The following RARA variants were observed in gnomAD, a reference collection of about 807,000 sequenced individuals.
RARA encodes the protein PML-DDX5-RARA fusion.
In RARA, 5 loss-of-function variants were observed where a neutral mutation model predicts 42.8. That is an observed-to-expected ratio of 0.12 (90% CI 0.06 to 0.25). The LOEUF (loss-of-function observed/expected upper bound fraction) is 0.25. Among genes scored for constraint, RARA ranks in the 10% least tolerant of loss-of-function variants. The pLI, the probability that RARA is intolerant of heterozygous loss-of-function variation, is 1.00. For missense variants in RARA, 402 were observed against 628.7 expected, an observed-to-expected ratio of 0.64 and a Z score of 3.86; for synonymous variants, 256 against 259.5, an observed-to-expected ratio of 0.99 and a Z score of 0.13.
At position 40,338,491 on chromosome 17, in the gene RARA, C is replaced by T. The variant is rs149668764; in HGVS notation, c.178+7095C>T. Among the ~76,000 whole-genome samples, 4 of 152,286 alleles carry T rather than the reference C, an allele frequency of 2.6e-5. No homozygotes were observed. The East Asian group carries it at 7.7e-4, about 29-fold the overall frequency. ...CAGGAGTCTTAAAGGACAGTTCTTC[C>T]TGTGTGGCCTTGGGCAGGTCACCCA... On this transcript the variant is annotated intron_variant, in intron 2 of 8. Coordinates refer to ENST00000254066, the MANE Select transcript of RARA (RefSeq NM_000964.4).
At chr17:40,316,741 C>A (rs1447401931) in intron 1 of RARA, among the ~76,000 whole-genome samples, 2 of 152,038 alleles carry the variant, frequency 1.3e-5, no homozygotes, top group African/African-American at 2.4e-5. Context: ...GCGGTGGCGT[C>A]CACATCTGGG....
chr17:40,341,312 G>A (rs951915662), intron 2 of RARA: 181 of 1,385,772 alleles, frequency 1.3e-4, no homozygotes, highest in Non-Finnish European at 1.6e-4. Flanking sequence ...AGAGCGTGGG[G>A]AGGAGGGCCC....
Position 40,352,260 on chromosome 17 carries a change from T to G in RARA, c.631-71T>G. ...GTGAAGGCTGGGTAGAGGGCAGGCCTGTGGGGGCTGGAGCCAGGCTGAGAA... is the reference window on the plus strand; with the variant it reads ...GTGAAGGCTGGGTAGAGGGCAGGCCGGTGGGGGCTGGAGCCAGGCTGAGAA... On this transcript the variant is annotated intron_variant, in intron 5 of 8. Transcript: ENST00000254066. The surrounding 1 kb of genome is among the most constrained non-coding windows in gnomAD (Gnocchi z 4.9). The G allele has an allele frequency of 1.3e-6, 2 of 1,535,264 alleles. No homozygotes were observed. The highest frequency in any genetic ancestry group is 1.9e-5 in the Admixed American group (1 of 51,580).
Position 40,355,810 on chromosome 17 carries a change from G to C in RARA, c.1172-199G>C, listed in dbSNP as rs2034604020. 6.6e-6 allele frequency among the ~76,000 whole-genome samples: 1 copy of C among 152,250 alleles called. No homozygotes were observed. The highest frequency in any genetic ancestry group is 6.5e-5 in the Admixed American group (1 of 15,294). Reference sequence around the variant, plus strand: ...CCGGCAGTCTGGCCCTGGAGCCGGAGTTCGGGACCACTTTGCCCCATTGCC... The same window carrying C: ...CCGGCAGTCTGGCCCTGGAGCCGGACTTCGGGACCACTTTGCCCCATTGCC... On this transcript the variant is annotated intron_variant, in intron 8 of 8. Transcript: ENST00000254066. This position sits in a 1 kb window ranked among gnomAD's most constrained non-coding sequence, Gnocchi z 4.1.
intron 1 of RARA, among the ~76,000 whole-genome samples, chr17:40,330,240 C>T (rs1331803100): frequency 1.3e-5 from 2 of 152,116 alleles, no homozygotes; most frequent in African/African-American, 4.8e-5. Flanking sequence ...ACATCGCCTA[C>T]CCCTGGACCA....
intron 2 of RARA, chr17:40,342,824 C>T (rs752026996): frequency 6.2e-7 from 1 of 1,613,126 alleles, no homozygotes; most frequent in South Asian, 1.1e-5. Flanking sequence ...CGGGTCCGTA[C>T]TCCACCCCGC....
Position 40,351,041 on chromosome 17 carries a change from C to T in RARA, c.470-869C>T, listed in dbSNP as rs532405739. The stretch of plus-strand genomic sequence containing the variant: ...GGCTGCTCTGTGCCCCGGAGCTGAG[C>T]AGCTGCCATTTCAATAGAATTAAAG... On this transcript the variant is annotated intron_variant, in intron 4 of 8. Coordinates refer to ENST00000254066, the MANE Select transcript of RARA (RefSeq NM_000964.4). This position sits in a 1 kb window ranked among gnomAD's most constrained non-coding sequence, Gnocchi z 4.1. 6.6e-6 allele frequency among the ~76,000 whole-genome samples: 1 copy of T among 152,154 alleles called. No homozygotes were observed. Among genetic ancestry groups the T allele is most frequent in the South Asian group, 2.1e-4 (1 of 4,814 alleles).
chr17:40,341,424 C>T, intron 2 of RARA: 2 of 1,524,320 alleles, frequency 1.3e-6, no homozygotes, highest in Non-Finnish European at 1.8e-6. Context: ...GCCGGTGTCT[C>T]ATTCCGACAC....
At chr17:40,341,763 ACCT>A in intron 2 of RARA, 3 of 1,281,020 alleles carry the variant, frequency 2.3e-6, no homozygotes, top group Non-Finnish European at 3.0e-6. Flanking sequence ...CCGCCCCACC[ACCT>A]CCTCCACCAC....
rs1467285408 is a variant in RARA at position 40,356,617 on chromosome 17, C to T, written c.*391C>T. The T allele has an allele frequency of 7.5e-6, 4 of 531,476 alleles. No homozygotes were observed. Among genetic ancestry groups the T allele is most frequent in the South Asian group, 6.2e-5 (4 of 64,490 alleles). The allele number at this position is 531,476 out of a possible 1,614,324, so 32.9% of individuals were successfully genotyped here. A position where few individuals can be genotyped will look rare whatever the true frequency, so the allele number is the denominator to read the frequency against. Reference sequence around the variant, plus strand: ...GAACTCACAAGCCATTGCTCCCCAGCTGGGGAACCTCAACCTCCCCCCTGC... The same window carrying T: ...GAACTCACAAGCCATTGCTCCCCAGTTGGGGAACCTCAACCTCCCCCCTGC... On this transcript the variant is annotated 3_prime_UTR_variant, in exon 9 of 9. Transcript: ENST00000254066.
At chr17:40,317,952 G>T (rs2033249793) in intron 1 of RARA, among the ~76,000 whole-genome samples, 1 of 152,010 alleles carries the variant, frequency 6.6e-6, no homozygotes, top group Non-Finnish European at 1.5e-5. Context: ...CACACGCTGC[G>T]GTCTTCTCCA....
At chr17:40,324,317 G>T (rs2033477538) in intron 1 of RARA, among the ~76,000 whole-genome samples, 2 of 151,900 alleles carry the variant, frequency 1.3e-5, no homozygotes, top group Non-Finnish European at 2.9e-5. Context: ...CTTCCCTGTG[G>T]GTTGGTCCCT....
intron 1 of RARA, among the ~76,000 whole-genome samples, chr17:40,322,216 G>C (rs899475350): frequency 6.6e-6 from 1 of 151,854 alleles, no homozygotes; most frequent in Non-Finnish European, 1.5e-5. Context: ...AGGTGCCCTC[G>C]TCTGGGCGGG....
chr17:40,353,637 G>A (rs1300254839), intron 6 of RARA, among the ~76,000 whole-genome samples: 1 of 152,012 alleles, frequency 6.6e-6, no homozygotes, highest in Non-Finnish European at 1.5e-5. Flanking sequence ...TTGTATTTTT[G>A]TAGAGACGGG....
chr17:40,355,585 C>T lies in RARA; in HGVS notation c.1171+164C>T, dbSNP rs1372827910. On this transcript the variant is annotated intron_variant, in intron 8 of 8. Transcript: ENST00000254066. This position sits in a 1 kb window ranked among gnomAD's most constrained non-coding sequence, Gnocchi z 4.1. Reference sequence around the variant, plus strand: ...GACTCCACTTTGCCGAGGTGGCCCGCCTGTGTCACCTTTGTGTGGTAGTTC... The same window carrying T: ...GACTCCACTTTGCCGAGGTGGCCCGTCTGTGTCACCTTTGTGTGGTAGTTC... Among the ~76,000 whole-genome samples the T allele has an allele frequency of 3.9e-5, 6 of 152,230 alleles. No individual in the cohort carries two copies. The highest frequency in any genetic ancestry group is 7.3e-5 in the Non-Finnish European group (5 of 68,044).
At chr17:40,319,744 C>T (rs1174687588) in intron 1 of RARA, among the ~76,000 whole-genome samples, 1 of 152,172 alleles carries the variant, frequency 6.6e-6, no homozygotes, top group Non-Finnish European at 1.5e-5. Context: ...CTACAGGGCT[C>T]CATGAAGAGG....
At chr17:40,329,920 TTC>T (rs963684618) in intron 1 of RARA, among the ~76,000 whole-genome samples, 3 of 152,222 alleles carry the variant, frequency 2.0e-5, no homozygotes, top group Non-Finnish European at 4.4e-5. Flanking sequence ...GTTCTTCGTG[TTC>T]TCTCTCTTTG....
chr17:40,340,196 C>T lies in RARA; in HGVS notation c.179-8120C>T, dbSNP rs1468740572. On this transcript the variant is annotated intron_variant, in intron 2 of 8. Coordinates refer to ENST00000254066, the MANE Select transcript of RARA (RefSeq NM_000964.4). ...TCTGTCCATCAGCACTTCCAGTTTC[C>T]TAGGCCAAGCCACCCTTGTCTGATG... 1.1e-4 allele frequency among the ~76,000 whole-genome samples: 17 copies of T among 152,112 alleles called. No individual in the cohort carries two copies. In the East Asian group the frequency reaches 3.3e-3, roughly 29 times the overall value.
intron 1 of RARA, among the ~76,000 whole-genome samples, chr17:40,322,187 A>G (rs2033409101): frequency 6.6e-6 from 1 of 151,838 alleles, no homozygotes; most frequent in Admixed American, 6.6e-5. Flanking sequence ...GGGAGGTTCC[A>G]TTCCCCCACC....
Sources: allele counts gnomAD v4.1 joint callset (sites outside exome capture counted in the v4.1 genomes callset), GRCh38; gene constraint gnomAD v4.1.1; non-coding constraint Gnocchi (gnomAD v3.1); transcripts MANE v1.5; gene names NCBI Gene and HGNC (gene_info 2026-07-23, HGNC 2026-07-21).